The following FAR2 variants were observed in gnomAD, a reference collection of about 807,000 sequenced individuals.
FAR2 encodes fatty acyl-CoA reductase 2, also known as epididymis secretory protein Li 81.
In FAR2, 19 loss-of-function variants were observed where a neutral mutation model predicts 56.0. That is an observed-to-expected ratio of 0.34 (90% confidence interval 0.24 to 0.50). FAR2 has a LOEUF of 0.50. Among genes scored for constraint, FAR2 ranks in the 20% least tolerant of loss-of-function variants. The pLI is 0.98. For missense variants in FAR2, 508 were observed against 642.2 expected, an observed-to-expected ratio of 0.79 and a Z score of 2.26; for synonymous variants, 219 against 218.8, an observed-to-expected ratio of 1.00 and a Z score of -0.01.
chr12:29,261,746 C>T (rs922537421), intron 1 of FAR2, among the ~76,000 whole-genome samples: 2 of 152,162 alleles, frequency 1.3e-5, no homozygotes, highest in Non-Finnish European at 2.9e-5. Flanking sequence ...ACCTTACAGG[C>T]CAGGAAAGAG....
At chr12:29,226,245 T>G (rs1947766867) in intron 1 of FAR2, among the ~76,000 whole-genome samples, 1 of 152,206 alleles carries the variant, frequency 6.6e-6, no homozygotes, top group South Asian at 2.1e-4. Flanking sequence ...ACAGTTTAGT[T>G]TATGATTGTA....
chr12:29,234,393 C>T (rs1260683717), intron 1 of FAR2, among the ~76,000 whole-genome samples: 1 of 152,148 alleles, frequency 6.6e-6, no homozygotes, highest in Non-Finnish European at 1.5e-5. Context: ...TTCAGCCTCA[C>T]CTTCTACATC....
At chr12:29,299,149 G>A (rs1355622149) in intron 4 of FAR2, among the ~76,000 whole-genome samples, 1 of 149,076 alleles carries the variant, frequency 6.7e-6, no homozygotes, top group Non-Finnish European at 1.5e-5. Flanking sequence ...GGAGGTGGAG[G>A]TTGCAGTGAG....
At chr12:29,179,539 A>C (rs1333750680) in intron 1 of FAR2, among the ~76,000 whole-genome samples, 1 of 152,212 alleles carries the variant, frequency 6.6e-6, no homozygotes, top group Non-Finnish European at 1.5e-5. Context: ...ATTCTTTTCA[A>C]AGCTGGCATT....
chr12:29,211,869 C>G (rs961489157), intron 1 of FAR2, among the ~76,000 whole-genome samples: 1 of 148,398 alleles, frequency 6.7e-6, no homozygotes, highest in African/African-American at 2.5e-5. Context: ...GACTCCTAAT[C>G]TAGTATGACT....
intron 1 of FAR2, among the ~76,000 whole-genome samples, chr12:29,232,311 C>A (rs1438039869): frequency 6.6e-6 from 1 of 152,172 alleles, no homozygotes; most frequent in Non-Finnish European, 1.5e-5. Context: ...GTCTCACATC[C>A]TTTGCACCCT....
At chr12:29,178,386 G>A (rs1175205580) in intron 1 of FAR2, among the ~76,000 whole-genome samples, 2 of 152,196 alleles carry the variant, frequency 1.3e-5, no homozygotes, top group African/African-American at 4.8e-5. Flanking sequence ...TTGAGCCCAG[G>A]AGTTGGAGAC....
chr12:29,231,781 G>T (rs926545192), intron 1 of FAR2, among the ~76,000 whole-genome samples: 1 of 152,040 alleles, frequency 6.6e-6, no homozygotes, highest in African/African-American at 2.4e-5. Flanking sequence ...CATTCATTTG[G>T]CAAACATAAT....
chr12:29,149,305 C>T lies in FAR2; in HGVS notation c.-141C>T, dbSNP rs1949661275. 2 of 152,456 alleles carry T rather than the reference C, an allele frequency of 1.3e-5. No homozygotes were observed. The highest frequency in any genetic ancestry group is 4.1e-4 in the South Asian group (2 of 4,836). The allele number at this position is 152,456 out of a possible 1,614,324, so 9.4% of individuals were successfully genotyped here. ...AGTGTCACGTTTGGGAGCCGAAAGA[C>T]TGGAGCCGTTTCCTTGTGGCTGGAG... On this transcript the variant is annotated 5_prime_UTR_variant, in exon 1 of 12. Transcript: ENST00000536681.
At chr12:29,307,918 TCTC>T in intron 5 of FAR2, 83 bp downstream of exon 5, 2 of 1,394,908 alleles carry the variant, frequency 1.4e-6, no homozygotes, top group Non-Finnish European at 1.9e-6. Flanking sequence ...TCTTTCTTCT[TCTC>T]CTCCTCAGGA....
chr12:29,191,226 A>G (rs139362220), intron 1 of FAR2, among the ~76,000 whole-genome samples: 1 of 152,368 alleles, frequency 6.6e-6, no homozygotes, highest in Non-Finnish European at 1.5e-5. Context: ...TAAACAGGCC[A>G]GATCTCCAAG....
At position 29,194,818 on chromosome 12, in the gene FAR2, G is replaced by A. The variant is rs1950132246; in HGVS notation, c.-39+45411G>A. Reference sequence around the variant, plus strand: ...CAGTGTTGGACAGAAAGAGAAGATGGAAGGGTTAGGCTGAAAAGATGTCTG... The same window carrying A: ...CAGTGTTGGACAGAAAGAGAAGATGAAAGGGTTAGGCTGAAAAGATGTCTG... On this transcript the variant is annotated intron_variant, in intron 1 of 11. Transcript: ENST00000536681. 2.0e-5 allele frequency among the ~76,000 whole-genome samples: 3 copies of A among 152,140 alleles called. No homozygotes were observed. In the South Asian group the frequency reaches 6.2e-4, roughly 32 times the overall value.
intron 1 of FAR2, among the ~76,000 whole-genome samples, chr12:29,248,396 G>T (rs1020780386): frequency 1.3e-5 from 2 of 152,066 alleles, no homozygotes; most frequent in African/African-American, 4.8e-5. Flanking sequence ...GGTAGGTTCC[G>T]TGATGCCCCA....
intron 1 of FAR2, among the ~76,000 whole-genome samples, chr12:29,204,609 G>A (rs372158330): frequency 6.6e-5 from 10 of 152,266 alleles, no homozygotes; most frequent in African/African-American, 2.2e-4. Context: ...AAAGAAATAC[G>A]AGAGACTGGG....
chr12:29,290,704 A>G (rs551454082), intron 2 of FAR2, among the ~76,000 whole-genome samples: 220 of 152,342 alleles, frequency 1.4e-3, no homozygotes, highest in African/African-American at 5.2e-3. Context: ...TTGCAACAAC[A>G]TGGATGGAAA....
intron 1 of FAR2, 142 bp downstream of exon 1, chr12:29,149,549 G>T (rs986264529): frequency 1.3e-5 from 2 of 152,516 alleles, no homozygotes; most frequent in African/African-American, 4.8e-5. Context: ...AGGAGGGTGG[G>T]TGTGAGGCCG....
chr12:29,202,329 T>C (rs934872417), intron 1 of FAR2, among the ~76,000 whole-genome samples: 7 of 152,302 alleles, frequency 4.6e-5, no homozygotes, highest in African/African-American at 1.7e-4. Context: ...TACATGATCA[T>C]TGGGGTATAC....
At chr12:29,170,671 TTC>T (rs1001862876) in intron 1 of FAR2, among the ~76,000 whole-genome samples, 1 of 152,132 alleles carries the variant, frequency 6.6e-6, no homozygotes, top group South Asian at 2.1e-4. Context: ...CTCCCTCTTT[TTC>T]TCTGTCTCTT....
intron 1 of FAR2, among the ~76,000 whole-genome samples, chr12:29,186,827 C>G (rs1034077824): frequency 2.0e-5 from 3 of 151,830 alleles, no homozygotes. Context: ...CTCGCTCTGT[C>G]GCCCAGGCTG....
Sources: gnomAD v4.1 joint callset for allele counts (sites outside exome capture counted in the v4.1 genomes callset) on GRCh38, gnomAD v4.1.1 for gene constraint, MANE v1.5 for transcripts, NCBI Gene and HGNC (gene_info 2026-07-23, HGNC 2026-07-21) for gene names.